Variants in SSH1 observed in about 807,000 individuals in gnomAD.
SSH1 encodes slingshot protein phosphatase 1.
In SSH1, 43 loss-of-function variants were observed where a neutral mutation model predicts 79.7. The observed-to-expected ratio is 0.54, with a 90% CI of 0.42 to 0.70. SSH1 has a LOEUF of 0.70. SSH1 is among the 30% of genes least tolerant of loss of function. The pLI is 0.00. For synonymous variants in SSH1, 599 were observed against 538.3 expected, an observed-to-expected ratio of 1.11 and a Z score of -1.56; for missense variants, 1,206 against 1,358.8, an observed-to-expected ratio of 0.89 and a Z score of 1.77.
intron 3 of SSH1, among the ~76,000 whole-genome samples, chr12:108,820,450 C>T (rs1260979556): frequency 1.3e-5 from 2 of 152,168 alleles, no homozygotes; most frequent in African/African-American, 4.8e-5. Flanking sequence ...ACCATCTACC[C>T]GAGTCACAGA....
At chr12:108,792,045 C>A in intron 14 of SSH1, 1 of 1,440,940 alleles carries the variant, frequency 6.9e-7, no homozygotes, top group South Asian at 1.6e-5. Context: ...TGTGTTATTC[C>A]CAACAGATTC....
At chr12:108,856,502 T>C (rs1464032848) in intron 1 of SSH1, among the ~76,000 whole-genome samples, 4 of 151,960 alleles carry the variant, frequency 2.6e-5, no homozygotes, top group South Asian at 2.1e-4. Context: ...CACAGAAAGA[T>C]AGATGCACAT....
Position 108,810,671 on chromosome 12 carries a change from G to A in SSH1, c.470+589C>T, listed in dbSNP as rs1294048072. On this transcript the variant is annotated intron_variant, in intron 6 of 14. Transcript: ENST00000326495. ...TAACTCTGACCTGCTTAGAATCCCC[G>A]TGTCAGGCCACTTTCCTATTCTGTT... Among the ~76,000 whole-genome samples the A allele has an allele frequency of 3.3e-5, 5 of 152,240 alleles. No individual in the cohort carries two copies. The South Asian group carries it at 8.3e-4, about 25-fold the overall frequency.
At chr12:108,851,143 A>G (rs183775356) in intron 2 of SSH1, among the ~76,000 whole-genome samples, 331 of 152,294 alleles carry the variant, frequency 2.2e-3, no homozygotes, top group Admixed American at 4.8e-3. Context: ...CATAACATTA[A>G]AAGTGAGGAC....
At position 108,792,129 on chromosome 12, in the gene SSH1, G is replaced by A. The variant is rs749889322; in HGVS notation, c.1893+157C>T. 1.8e-4 allele frequency: 273 copies of A among 1,495,946 alleles called. 1 individual carries two copies. Among genetic ancestry groups the A allele is most frequent in the South Asian group, 1.2e-3 (88 of 74,440 alleles). 92.7% of individuals were successfully genotyped at this position (1,495,946 alleles called of 1,614,324 possible). ...CCTGTGAAAGAACCCTCAGGTCCCT[G>A]GAGATGGGAGCTGGGGGCCCAGAGG... is the stretch of plus-strand genomic sequence containing the variant. On this transcript the variant is annotated intron_variant, in intron 14 of 14. Transcript: ENST00000326495.
chr12:108,830,743 G>A (rs2038452715), intron 2 of SSH1, among the ~76,000 whole-genome samples: 1 of 151,950 alleles, frequency 6.6e-6, no homozygotes, highest in South Asian at 2.1e-4. Flanking sequence ...TGTTCTTCTG[G>A]CCCTCTAAGG....
chr12:108,783,002 G>A lies in SSH1; in HGVS notation c.*4986C>T, dbSNP rs1414629428. The A allele has an allele frequency of 6.6e-6, 1 of 152,220 alleles. No individual in the cohort carries two copies. Among genetic ancestry groups the A allele is most frequent in the Non-Finnish European group, 1.5e-5 (1 of 68,048 alleles). 9.4% of individuals were successfully genotyped at this position (152,220 alleles called of 1,614,324 possible). A position where few individuals can be genotyped will look rare whatever the true frequency, so the allele number is the denominator to read the frequency against. ...TGTACCTACATTTTGTTGCAAAAGAGCTCAGGACACTAACAGAGAGGAAAA... is the reference window on the plus strand; with the variant it reads ...TGTACCTACATTTTGTTGCAAAAGAACTCAGGACACTAACAGAGAGGAAAA... On this transcript the variant is annotated 3_prime_UTR_variant, in exon 15 of 15. Transcript: ENST00000326495.
chr12:108,836,160 GGA>G (rs906059203), intron 2 of SSH1, among the ~76,000 whole-genome samples: 4 of 151,410 alleles, frequency 2.6e-5, no homozygotes, highest in African/African-American at 9.7e-5. Flanking sequence ...TCATGAATAT[GGA>G]GAGACAAAAC....
intron 5 of SSH1, 124 bp downstream of exon 5, chr12:108,816,914 C>A: frequency 6.7e-7 from 1 of 1,482,906 alleles, no homozygotes. Flanking sequence ...GGCTCGACTC[C>A]CCAGGCTCTC....
intron 12 of SSH1, 122 bp downstream of exon 12, chr12:108,800,658 G>C: frequency 8.4e-7 from 1 of 1,188,254 alleles, no homozygotes. Context: ...TCCTGCGTCT[G>C]GAGTCCCGTT....
chr12:108,825,499 C>T (rs2038278200), intron 2 of SSH1, among the ~76,000 whole-genome samples: 1 of 152,194 alleles, frequency 6.6e-6, no homozygotes, highest in African/African-American at 2.4e-5. Context: ...TGGTTAAATG[C>T]TCATGCTAAA....
rs1256478991 is a variant in SSH1, at chr12:108,784,703, AG to A, written c.*3284del. On this transcript the variant is annotated 3_prime_UTR_variant, in exon 15 of 15. Transcript: ENST00000326495. ...CCCCCTTATACTTAGCAAGACTTAA[AG>A]AGAAGACTTTCCTGTATCAATGCAA... 3 of 152,202 alleles carry A rather than the reference AG, an allele frequency of 2.0e-5. No individual in the cohort carries two copies. Among genetic ancestry groups the A allele is most frequent in the Non-Finnish European group, 4.4e-5 (3 of 68,042 alleles). 9.4% of individuals were successfully genotyped at this position (152,202 alleles called of 1,614,324 possible).
intron 2 of SSH1, among the ~76,000 whole-genome samples, chr12:108,844,444 T>G (rs1056374292): frequency 1.3e-5 from 2 of 152,170 alleles, no homozygotes; most frequent in Non-Finnish European, 2.9e-5. Context: ...GCTCCCCGTG[T>G]TTCTGGTCTC....
intron 5 of SSH1, among the ~76,000 whole-genome samples, chr12:108,811,950 G>C (rs887699383): frequency 1.3e-5 from 2 of 152,158 alleles, no homozygotes; most frequent in South Asian, 4.1e-4. Flanking sequence ...CGCTGTAACC[G>C]TGCCAAGAGC....
intron 5 of SSH1, among the ~76,000 whole-genome samples, chr12:108,812,593 A>T (rs1467303568): frequency 2.6e-5 from 4 of 152,216 alleles, no homozygotes; most frequent in Admixed American, 1.3e-4. Context: ...ATGGGAAATA[A>T]GGGGCACATA....
intron 1 of SSH1, among the ~76,000 whole-genome samples, chr12:108,856,592 C>A (rs143732601): frequency 6.6e-6 from 1 of 152,350 alleles, no homozygotes; most frequent in East Asian, 1.9e-4. Context: ...CACAGCCACA[C>A]AGAGCCCACA....
chr12:108,801,030 C>G (rs2036978256), intron 11 of SSH1, 104 bp from the exon 12 acceptor site: 1 of 1,187,338 alleles, frequency 8.4e-7, no homozygotes, highest in African/African-American at 1.5e-5. Context: ...CACACATTAA[C>G]CAAGGGTCAT....
chr12:108,797,525 C>A (rs1460363961), intron 13 of SSH1, among the ~76,000 whole-genome samples: 1 of 152,152 alleles, frequency 6.6e-6, no homozygotes, highest in African/African-American at 2.4e-5. Context: ...TTGCCTTTTC[C>A]AAAACTACCT....
chr12:108,798,913 C>T, intron 13 of SSH1, 87 bp downstream of exon 13: 1 of 1,488,692 alleles, frequency 6.7e-7, no homozygotes, highest in East Asian at 2.3e-5. Context: ...TGGGAGCATG[C>T]TCTGCTGCCG....
Sources: allele counts gnomAD v4.1 joint callset (sites outside exome capture counted in the v4.1 genomes callset), GRCh38; gene constraint gnomAD v4.1.1; transcripts MANE v1.5; gene names NCBI Gene and HGNC (gene_info 2026-07-23, HGNC 2026-07-21).